The following GPR176 variants were observed in gnomAD, a reference collection of about 807,000 sequenced individuals.
GPR176 encodes the protein G-protein coupled receptor 176.
Under a neutral mutation model 35.4 loss-of-function variants are expected in GPR176, and 26 were observed. The observed-to-expected ratio is 0.74, with a 90% CI of 0.54 to 1.02. The LOEUF is 1.02. Ranked by LOEUF, GPR176 falls within the 50% of genes least tolerant of loss-of-function variation. The probability of loss-of-function intolerance (pLI) is 0.00; values close to 1 mark genes in which losing one functional copy is unlikely to be tolerated. For synonymous variants in GPR176, 278 were observed against 271.3 expected (o/e 1.02, Z -0.24); for missense variants, 597 against 665.3 (o/e 0.90, Z 1.13).
chr15:39,806,268 A>G (rs957493207), intron 2 of GPR176, among the ~76,000 whole-genome samples: 1 of 152,262 alleles, frequency 6.6e-6, no homozygotes, highest in African/African-American at 2.4e-5. Flanking sequence ...ACTCATGGAC[A>G]TAAAATACTT....
intron 1 of GPR176, among the ~76,000 whole-genome samples, chr15:39,838,308 G>A (rs1901534122): frequency 1.3e-5 from 2 of 152,064 alleles, no homozygotes; most frequent in South Asian, 4.1e-4. Context: ...ATCAAATGTA[G>A]ATAAAACTTA....
chr15:39,820,589 G>A (rs275716), intron 1 of GPR176, among the ~76,000 whole-genome samples: 99,535 of 152,018 alleles, frequency 0.65, 32,730 homozygotes, highest in African/African-American at 0.71. Flanking sequence ...AATATCTGTA[G>A]TAATATATAT....
At chr15:39,882,502 A>C (rs999721388) in intron 1 of GPR176, among the ~76,000 whole-genome samples, 1 of 152,222 alleles carries the variant, frequency 6.6e-6, no homozygotes, top group Non-Finnish European at 1.5e-5. Context: ...ACTTTTCATG[A>C]GTTAACATTT....
chr15:39,879,005 T>C (rs866134957), intron 1 of GPR176, among the ~76,000 whole-genome samples: 8 of 152,204 alleles, frequency 5.3e-5, no homozygotes, highest in Admixed American at 2.6e-4. Context: ...TGGCTAGGCC[T>C]GAAGGGTGGT....
chr15:39,847,266 C>G (rs868410768), intron 1 of GPR176, among the ~76,000 whole-genome samples: 1 of 151,908 alleles, frequency 6.6e-6, no homozygotes, highest in African/African-American at 2.4e-5. Context: ...AGACTTAAGC[C>G]CTAACATATC....
chr15:39,813,785 G>T (rs1899725654), intron 1 of GPR176, among the ~76,000 whole-genome samples: 1 of 151,974 alleles, frequency 6.6e-6, no homozygotes, highest in African/African-American at 2.4e-5. Flanking sequence ...ATTTTATATT[G>T]ATGGGTTTTA....
At chr15:39,895,207 G>A (rs560632713) in intron 1 of GPR176, among the ~76,000 whole-genome samples, 1,737 of 148,952 alleles carry the variant, frequency 0.012, 47 homozygotes, top group African/African-American at 0.038. Context: ...GAGGGAGACC[G>A]TGGAAAGAGA....
chr15:39,881,806 C>G (rs919503128), intron 1 of GPR176, among the ~76,000 whole-genome samples: 2 of 152,118 alleles, frequency 1.3e-5, no homozygotes, highest in African/African-American at 4.8e-5. Flanking sequence ...GTTTTAAATA[C>G]AAACAGTGAA....
rs150836804 is a variant in GPR176 at position 39,801,373 on chromosome 15, G to A, written c.1307C>T (p.Pro436Leu). 67 of 1,614,162 alleles carry A rather than the reference G, an allele frequency of 4.2e-5. No homozygotes were observed. In the African/African-American group the frequency reaches 6.1e-4, roughly 15 times the overall value. The change falls in exon 3 of 3, where the codon CCG (proline) becomes CTG (leucine). Residue 436 changes from proline (P) to leucine (L), a missense_variant. Physicochemically the swap from Pro to Leu is moderately conservative, Grantham distance 98. Coordinates refer to ENST00000561100, the MANE Select transcript of GPR176 (RefSeq NM_007223.3). ...STVDSVSQVA[P>L]AAPVEPETFP... ...TGTTTCAGGTTCCACAGGGGCTGCC[G>A]GTGCCACCTGGGATACAGAGTCCAC...
intron 1 of GPR176, among the ~76,000 whole-genome samples, chr15:39,856,412 T>C (rs1317865114): frequency 6.6e-6 from 1 of 152,226 alleles, no homozygotes; most frequent in East Asian, 1.9e-4. Flanking sequence ...ACAACAACTA[T>C]GTATGATGGG....
chr15:39,842,031 C>T (rs2030030396), intron 1 of GPR176, among the ~76,000 whole-genome samples: 1 of 152,084 alleles, frequency 6.6e-6, no homozygotes, highest in African/African-American at 2.4e-5. Flanking sequence ...ATGATGAGTG[C>T]TATAGTCTGA....
intron 1 of GPR176, among the ~76,000 whole-genome samples, chr15:39,915,678 C>T (rs2033708617): frequency 6.6e-6 from 1 of 152,022 alleles, no homozygotes; most frequent in Non-Finnish European, 1.5e-5. Context: ...AGTTCAAGAC[C>T]ATCCTGGCCA....
Position 39,813,845 on chromosome 15 carries a change from TTA to T in GPR176, c.173-6589_173-6588del, listed in dbSNP as rs774974084. On this transcript the variant is annotated intron_variant, in intron 1 of 2. Transcript: ENST00000561100. Reference sequence around the variant, plus strand: ...TTATACAATGCTGACATCAACATCCTTATATATATATATAATCTTTGGGAATT... The same window carrying T: ...TTATACAATGCTGACATCAACATCCTTATATATATATAATCTTTGGGAATT... Among the ~76,000 whole-genome samples, 16 of 151,636 alleles carry T rather than the reference TTA, an allele frequency of 1.1e-4. No individual in the cohort carries two copies. In the South Asian group the frequency reaches 2.5e-3, roughly 24 times the overall value.
intron 1 of GPR176, among the ~76,000 whole-genome samples, chr15:39,891,934 C>T (rs2140859747): frequency 6.6e-6 from 1 of 152,322 alleles, no homozygotes; most frequent in East Asian, 1.9e-4. Context: ...TTAATTGAAG[C>T]TATCAAGCAG....
intron 1 of GPR176, among the ~76,000 whole-genome samples, chr15:39,884,131 T>C (rs576279895): frequency 3.8e-4 from 58 of 152,294 alleles, no homozygotes; most frequent in African/African-American, 1.3e-3. Flanking sequence ...CTGGGCCCAC[T>C]CCCTTCAAAC....
intron 1 of GPR176, among the ~76,000 whole-genome samples, chr15:39,887,699 G>A (rs934640224): frequency 1.3e-5 from 2 of 151,494 alleles, no homozygotes; most frequent in Non-Finnish European, 2.9e-5. Context: ...AATCTCACCC[G>A]CTCAAATCAT....
intron 1 of GPR176, among the ~76,000 whole-genome samples, chr15:39,868,974 A>G (rs2031938790): frequency 6.6e-6 from 1 of 150,856 alleles, no homozygotes; most frequent in Non-Finnish European, 1.5e-5. Flanking sequence ...CCCCAAATAC[A>G]GCCTAGGCAA....
chr15:39,839,858 G>C (rs1221654059), intron 1 of GPR176, among the ~76,000 whole-genome samples: 1 of 152,162 alleles, frequency 6.6e-6, no homozygotes, highest in Non-Finnish European at 1.5e-5. Context: ...CATTTATGTG[G>C]CCAACAAACA....
intron 1 of GPR176, among the ~76,000 whole-genome samples, chr15:39,862,919 C>G (rs1404381859): frequency 6.6e-6 from 1 of 152,116 alleles, no homozygotes; most frequent in Non-Finnish European, 1.5e-5. Flanking sequence ...GCACCATTAT[C>G]TTGGAGATGA....
Sources: gnomAD v4.1 joint callset for allele counts (sites outside exome capture counted in the v4.1 genomes callset) on GRCh38, gnomAD v4.1.1 for gene constraint, MANE v1.5 for transcripts, NCBI Gene and HGNC (gene_info 2026-07-23, HGNC 2026-07-21) for gene names.